Variants in LONP1 observed in about 807,000 individuals in gnomAD.
LONP1 encodes lon peptidase 1, mitochondrial.
In LONP1, 31 loss-of-function variants were observed where a neutral mutation model predicts 98.5. That is an observed-to-expected ratio of 0.31 (90% confidence interval 0.24 to 0.42). The LOEUF (loss-of-function observed/expected upper bound fraction) is 0.42, where lower values mean the gene tolerates loss of function less well. LONP1 is among the 20% of genes least tolerant of loss of function. The pLI, the probability that LONP1 is intolerant of heterozygous loss-of-function variation, is 1.00. For missense variants in LONP1, 1,336 were observed against 1,350.6 expected (o/e 0.99, Z 0.17); for synonymous variants, 781 against 594.7 (o/e 1.31, Z -4.56).
intron 10 of LONP1, among the ~76,000 whole-genome samples, chr19:5,697,837 G>A (rs1361203872): frequency 6.6e-6 from 1 of 151,924 alleles, no homozygotes; most frequent in African/African-American, 2.4e-5. Context: ...TCCCTCCCAA[G>A]GCCAGAGGTG....
chr19:5,694,580 A>G, intron 14 of LONP1, 28 bp from the exon 15 acceptor site: 2 of 1,598,232 alleles, frequency 1.3e-6, no homozygotes, highest in Non-Finnish European at 1.7e-6. Context: ...CACAATGGGC[A>G]CGGGAAGGTG....
At chr19:5,698,627 G>C (rs949336599) in intron 10 of LONP1, among the ~76,000 whole-genome samples, 2 of 152,194 alleles carry the variant, frequency 1.3e-5, no homozygotes, top group African/African-American at 2.4e-5. Context: ...CACAGGCTTC[G>C]GGGTGGGGGG....
intron 10 of LONP1, 69 bp from the exon 11 acceptor site, chr19:5,696,826 T>C: frequency 9.3e-7 from 1 of 1,077,764 alleles, no homozygotes; most frequent in Admixed American, 1.9e-5. Flanking sequence ...CCATGCACCC[T>C]CCAGGGCCAC....
chr19:5,713,014 TGAGAAAGCC>T, intron 3 of LONP1, 111 bp downstream of exon 3: 1 of 1,419,402 alleles, frequency 7.0e-7, no homozygotes, highest in Non-Finnish European at 9.8e-7. Context: ...TCAGTGCTAG[TGAGAAAGCC>T]GCTGGGCTGA....
rs2054875211 is a variant in LONP1, at chr19:5,693,789, G to A, written c.2321-20C>T. On this transcript the variant is annotated intron_variant, in intron 15 of 17. Transcript: ENST00000360614. ...AGCCTCCTGAAACAGGTGTGGAGCT[G>A]TGAACACGGGAGGCCTCGGAGCCCA... The A allele has an allele frequency of 2.5e-6, 4 of 1,605,912 alleles. No homozygotes were observed. Among genetic ancestry groups the A allele is most frequent in the Admixed American group, 1.7e-5 (1 of 59,732 alleles).
chr19:5,700,977 G>T, intron 8 of LONP1, 50 bp from the exon 9 acceptor site: 1 of 1,608,408 alleles, frequency 6.2e-7, no homozygotes, highest in Non-Finnish European at 8.5e-7. Flanking sequence ...CGAGCTGCCT[G>T]TCTCTCTGCT....
At chr19:5,709,736 C>G (rs535016187) in intron 4 of LONP1, among the ~76,000 whole-genome samples, 1 of 151,678 alleles carries the variant, frequency 6.6e-6, no homozygotes, top group Non-Finnish European at 1.5e-5. Context: ...GGTGAAACCC[C>G]GTCTCTACTA....
intron 4 of LONP1, 43 bp downstream of exon 4, chr19:5,711,728 G>A (rs751240567): frequency 1.6e-5 from 25 of 1,529,770 alleles, no homozygotes; most frequent in Non-Finnish European, 1.4e-5. Context: ...GGGAGCCCGT[G>A]GGGGAGGCAG....
intron 7 of LONP1, 33 bp from the exon 8 acceptor site, chr19:5,706,025 C>G (rs762623670): frequency 1.3e-6 from 2 of 1,522,546 alleles, no homozygotes. Flanking sequence ...CAGGCCCTGG[C>G]TCCGGGAAGC....
In LONP1 at chr19:5,707,081, C is replaced by G. The variant is rs138264110; in HGVS notation, c.1125G>C (p.Leu375=). The G allele has an allele frequency of 9.5e-4, 1,538 of 1,612,498 alleles. No homozygotes were observed. The highest frequency in any genetic ancestry group is 1.2e-3 in the Non-Finnish European group (1,457 of 1,179,824). ...LLKKEFELSK[L]QQRLGREVEE... ...TCACCTCCCGCCCCAGGCGCTGCTGCAGCTTGCTCAGTTCAAATTCCTTCT... is the reference window on the plus strand; with the variant it reads ...TCACCTCCCGCCCCAGGCGCTGCTGGAGCTTGCTCAGTTCAAATTCCTTCT... The change falls in exon 7 of 18, where the codon CTG becomes CTC. Residue 375 remains leucine, a synonymous_variant. Transcript: ENST00000360614.
intron 8 of LONP1, among the ~76,000 whole-genome samples, 184 bp from the exon 9 acceptor site, chr19:5,701,111 C>T (rs1283214168): frequency 2.6e-5 from 4 of 152,016 alleles, no homozygotes; most frequent in African/African-American, 7.2e-5. Context: ...CCCAGGAGTT[C>T]AAGACCAGCC....
chr19:5,708,242 T>C, intron 5 of LONP1, 100 bp downstream of exon 5: 1 of 1,233,326 alleles, frequency 8.1e-7, no homozygotes, highest in Non-Finnish European at 1.2e-6. Context: ...CAGGCAAGGT[T>C]TCCTCCCAGG....
Position 5,705,478 on chromosome 19 carries a change from G to T in LONP1, c.1367+294C>A, listed in dbSNP as rs74996080. Among the ~76,000 whole-genome samples, 9,004 of 125,866 alleles carry T rather than the reference G, an allele frequency of 0.072. 386 individuals carry two copies. Among genetic ancestry groups the T allele is most frequent in the Non-Finnish European group, 0.11 (6,604 of 59,516 alleles). 82.6% of individuals were successfully genotyped at this position (125,866 alleles called of 152,430 possible). ...ATTTCAAAAAAAAAAAAAAAAAAAAGCAGCCCTGGCTTAGAGCCAGGCGTC... is the reference window on the plus strand; with the variant it reads ...ATTTCAAAAAAAAAAAAAAAAAAAATCAGCCCTGGCTTAGAGCCAGGCGTC... On this transcript the variant is annotated intron_variant, in intron 8 of 17. Transcript: ENST00000360614.
chr19:5,714,890 T>A (rs2145630398), intron 1 of LONP1: 1 of 152,256 alleles, frequency 6.6e-6, no homozygotes, highest in South Asian at 2.1e-4. Flanking sequence ...AGTGCTGGGA[T>A]TATAGGCGTA....
chr19:5,720,119 G>A lies in LONP1; in HGVS notation c.14C>T (p.Thr5Ile), dbSNP rs2055415429. The change falls in exon 1 of 18, where the codon ACT becomes ATT. Residue 5 changes from threonine (T) to isoleucine (I), a missense_variant. By Grantham distance (89) the Thr-to-Ile change is moderately conservative. Coordinates refer to ENST00000360614, the MANE Select transcript of LONP1 (RefSeq NM_004793.4). Reference protein sequence around the residue: MAASTGYVRLWGAAR... With the variant: MAASIGYVRLWGAAR... ...CGCTCCCCACAGTCGCACGTAGCCA[G>A]TGCTCGCCGCCATAGCCCGGCCATA... 1 of 1,429,022 alleles carries A rather than the reference G, an allele frequency of 7.0e-7. No homozygotes were observed. The highest frequency in any genetic ancestry group is 9.1e-7 in the Non-Finnish European group (1 of 1,099,678). 88.5% of individuals were successfully genotyped at this position (1,429,022 alleles called of 1,614,324 possible). A position where few individuals can be genotyped will look rare whatever the true frequency, so the allele number is the denominator to read the frequency against.
chr19:5,702,204 TG>T (rs1272309606), intron 8 of LONP1, among the ~76,000 whole-genome samples: 1 of 120,788 alleles, frequency 8.3e-6, no homozygotes, highest in Admixed American at 8.7e-5. Flanking sequence ...GAGGGAGGAG[TG>T]GGGGTCAGCC....
chr19:5,707,931 A>G (rs1194814748), intron 5 of LONP1, 105 bp from the exon 6 acceptor site: 38 of 1,364,086 alleles, frequency 2.8e-5, no homozygotes, highest in Non-Finnish European at 3.5e-5. Context: ...CCCTGTAGCT[A>G]TGGGCACGGT....
In LONP1 at chr19:5,711,838, G is replaced by A. The variant is rs2055242059; in HGVS notation, c.803C>T (p.Ala268Val). The A allele has an allele frequency of 6.2e-7, 1 of 1,612,810 alleles. No individual in the cohort carries two copies. The highest frequency in any genetic ancestry group is 8.5e-7 in the Non-Finnish European group (1 of 1,180,000). Residue 268 changes from alanine (A) to valine (V), a missense_variant, in exon 4 of 18, where the codon GCT becomes GTT. Ala to Val is a moderately conservative substitution (Grantham distance 64, BLOSUM62 0). Around this residue, in one of 5 missense-constraint regions of LONP1, gnomAD observed 457 missense variants for 403.1 expected, o/e 1.13. Coordinates refer to ENST00000360614, the MANE Select transcript of LONP1 (RefSeq NM_004793.4). ...LAMEPTPELP[A>V]EVLMVEVENV... ...CTCTACCTCCACCATGAGCACCTCA[G>A]CCGGGAGCTCAGGGGTGGGCTCCAT...
Position 5,716,259 on chromosome 19 carries a change from C to CATATATATATATATATATAT in LONP1, c.430-2008_430-1989dup, listed in dbSNP as rs3082272. Reference sequence around the variant, plus strand: ...TATTATATAATAAAGTTAAAATATACATATATATATATATATATATATATA... The same window carrying CATATATATATATATATATAT: ...TATTATATAATAAAGTTAAAATATACATATATATATATATATATATATATATATATATATATATATATATA... On this transcript the variant is annotated intron_variant, in intron 1 of 17. Coordinates refer to ENST00000360614, the MANE Select transcript of LONP1 (RefSeq NM_004793.4). Among the ~76,000 whole-genome samples the CATATATATATATATATATAT allele has an allele frequency of 1.2e-3, 90 of 77,188 alleles. 7 individuals are homozygous for CATATATATATATATATATAT. Among genetic ancestry groups the CATATATATATATATATATAT allele is most frequent in the Admixed American group, 1.7e-3 (11 of 6,524 alleles). 50.6% of individuals were successfully genotyped at this position (77,188 alleles called of 152,430 possible). A position where few individuals can be genotyped will look rare whatever the true frequency, so the allele number is the denominator to read the frequency against.
Sources: gnomAD v4.1 joint callset for allele counts (sites outside exome capture counted in the v4.1 genomes callset) on GRCh38, gnomAD v4.1.1 for gene constraint, gnomAD v4.1.1 regional missense constraint, MANE v1.5 for transcripts, NCBI Gene and HGNC (gene_info 2026-07-23, HGNC 2026-07-21) for gene names.